The following LURAP1L variants were observed in gnomAD, a reference collection of about 807,000 sequenced individuals.
LURAP1L encodes the protein leucine rich adaptor protein 1-like.
LURAP1L carries 12 observed loss-of-function variants against 13.8 expected under a neutral mutation model. The observed-to-expected ratio is 0.87, with a 90% CI of 0.56 to 1.41. LURAP1L has a LOEUF of 1.41. Ranked by LOEUF, LURAP1L falls within the 40% of genes most tolerant of loss-of-function variation. The pLI, the probability that LURAP1L is intolerant of heterozygous loss-of-function variation, is 0.00. For synonymous variants in LURAP1L, 139 were observed against 119.2 expected, an observed-to-expected ratio of 1.17 and a Z score of -1.08; for missense variants, 375 against 292.9, an observed-to-expected ratio of 1.28 and a Z score of -2.04.
At chr9:12,818,735 G>T (rs1819835474) in intron 1 of LURAP1L, among the ~76,000 whole-genome samples, 1 of 152,180 alleles carries the variant, frequency 6.6e-6, no homozygotes, top group African/African-American at 2.4e-5. Flanking sequence ...AATGACAGAG[G>T]AGCATGCCCA....
intron 1 of LURAP1L, among the ~76,000 whole-genome samples, chr9:12,814,742 TG>T (rs1354375124): frequency 6.6e-6 from 1 of 152,236 alleles, no homozygotes; most frequent in African/African-American, 2.4e-5. Context: ...ATCAGTCCAC[TG>T]TGCTGATGAC....
At position 12,815,047 on chromosome 9, in the gene LURAP1L, G is replaced by A. The variant is rs76985884; in HGVS notation, c.313-6339G>A. On this transcript the variant is annotated intron_variant, in intron 1 of 1. Coordinates refer to ENST00000319264, the MANE Select transcript of LURAP1L (RefSeq NM_203403.2). ...AAGCATTCCAAACCAAAAACAGTGA[G>A]TGGAAATGTTGTACAGTGTCTTCTC... Among the ~76,000 whole-genome samples the A allele has an allele frequency of 2.3e-3, 354 of 152,324 alleles. 4 individuals are homozygous for A. The highest frequency in any genetic ancestry group is 7.8e-3 in the African/African-American group (323 of 41,584).
chr9:12,775,850 G>A lies in LURAP1L; in HGVS notation c.135G>A (p.Gly45=), dbSNP rs553686180. Reference sequence around the variant, plus strand: ...AAAGGGACAGGGACCCCTGCGGGGGGAGCGGTGGTGGTGGCGGCGGCGGCG... The same window carrying A: ...AAAGGGACAGGGACCCCTGCGGGGGAAGCGGTGGTGGTGGCGGCGGCGGCG... ...PRERDRDPCG[G]SGGGGGGGGG... Residue 45 remains glycine, a synonymous_variant, in exon 1 of 2, where the codon GGG becomes GGA. Transcript: ENST00000319264. 6 of 1,373,696 alleles carry A rather than the reference G, an allele frequency of 4.4e-6. No individual in the cohort carries two copies. Among genetic ancestry groups the A allele is most frequent in the East Asian group, 2.5e-5 (1 of 40,340 alleles). 85.1% of individuals were successfully genotyped at this position (1,373,696 alleles called of 1,614,324 possible).
Position 12,821,756 on chromosome 9 carries a change from G to C in LURAP1L, c.683G>C (p.Gly228Ala). 3 of 1,607,322 alleles carry C rather than the reference G, an allele frequency of 1.9e-6. No individual in the cohort carries two copies. The highest frequency in any genetic ancestry group is 2.6e-6 in the Non-Finnish European group (3 of 1,174,672). ...PKLDSEYYCF[G>A] is the part of the protein sequence containing the mutation. ...TTGGATTCTGAATACTACTGCTTTGGCTAGTGACAGTTTTTTGCATGGGAC... is the reference window on the plus strand; with the variant it reads ...TTGGATTCTGAATACTACTGCTTTGCCTAGTGACAGTTTTTTGCATGGGAC... Residue 228 changes from glycine to alanine, a missense_variant, in exon 2 of 2, where the codon GGC (glycine) becomes GCC (alanine). Coordinates refer to ENST00000319264, the MANE Select transcript of LURAP1L (RefSeq NM_203403.2).
chr9:12,776,434 C>G (rs1017648295), intron 1 of LURAP1L, among the ~76,000 whole-genome samples: 6 of 152,136 alleles, frequency 3.9e-5, no homozygotes, highest in African/African-American at 1.4e-4. Context: ...GTGGCTCAGT[C>G]CAATGCACTT....
chr9:12,781,203 T>G (rs1230759337), intron 1 of LURAP1L, among the ~76,000 whole-genome samples: 3 of 152,196 alleles, frequency 2.0e-5, no homozygotes, highest in African/African-American at 7.2e-5. Context: ...ACTCCTGACC[T>G]CAGGTGATCT....
rs774966883 is a variant in LURAP1L at position 12,821,381 on chromosome 9, C to T, written c.313-5C>T. On this transcript the variant is annotated splice_polypyrimidine_tract_variant and splice_region_variant and intron_variant, in intron 1 of 1. Coordinates refer to ENST00000319264, the MANE Select transcript of LURAP1L (RefSeq NM_203403.2). Reference sequence around the variant, plus strand: ...GGAATATCTTTCTTCTCTCTTTGTCCATAGGTTAACCTCAGAGCCACAGAC... The same window carrying T: ...GGAATATCTTTCTTCTCTCTTTGTCTATAGGTTAACCTCAGAGCCACAGAC... 2.5e-6 allele frequency: 4 copies of T among 1,609,482 alleles called. No individual in the cohort carries two copies. The East Asian group carries it at 6.7e-5, about 27-fold the overall frequency.
intron 1 of LURAP1L, among the ~76,000 whole-genome samples, chr9:12,799,226 G>C (rs1819551503): frequency 1.3e-5 from 2 of 152,096 alleles, no homozygotes; most frequent in South Asian, 4.1e-4. Flanking sequence ...GCAGTACTCT[G>C]ACTCCAAAAT....
At chr9:12,786,455 C>T (rs112038875) in intron 1 of LURAP1L, among the ~76,000 whole-genome samples, 81 of 148,124 alleles carry the variant, frequency 5.5e-4, no homozygotes, top group African/African-American at 1.8e-3. Flanking sequence ...AATTACACAT[C>T]ATTTTTAATG....
At chr9:12,818,601 G>C (rs6474736) in intron 1 of LURAP1L, among the ~76,000 whole-genome samples, 34,035 of 152,068 alleles carry the variant, frequency 0.22, 4,554 homozygotes, top group African/African-American at 0.36. Flanking sequence ...CTAACAGGAC[G>C]GTAGTGGTGA....
At chr9:12,808,823 C>T (rs1819697754) in intron 1 of LURAP1L, among the ~76,000 whole-genome samples, 1 of 152,034 alleles carries the variant, frequency 6.6e-6, no homozygotes, top group South Asian at 2.1e-4. Context: ...CTTTTTCTCT[C>T]CTCCTTCCAG....
At chr9:12,786,394 T>C (rs1228744704) in intron 1 of LURAP1L, among the ~76,000 whole-genome samples, 1 of 151,462 alleles carries the variant, frequency 6.6e-6, no homozygotes, top group East Asian at 1.9e-4. Context: ...ATCAGAACAT[T>C]GCATTCTTCA....
chr9:12,817,119 C>T (rs1047611495), intron 1 of LURAP1L, among the ~76,000 whole-genome samples: 1 of 152,148 alleles, frequency 6.6e-6, no homozygotes, highest in African/African-American at 2.4e-5. Context: ...CTAGGAATAA[C>T]CTCACACCAG....
chr9:12,822,285 T>C lies in LURAP1L; in HGVS notation c.*525T>C, dbSNP rs1819891823. On this transcript the variant is annotated 3_prime_UTR_variant, in exon 2 of 2. Coordinates refer to ENST00000319264, the MANE Select transcript of LURAP1L (RefSeq NM_203403.2). ...CATTCTAGTGTATAATCAACCATACTGTTAGTCACACACGCCCACATGACA... is the reference window on the plus strand; with the variant it reads ...CATTCTAGTGTATAATCAACCATACCGTTAGTCACACACGCCCACATGACA... Among the ~76,000 whole-genome samples, 1 of 152,214 alleles carries C rather than the reference T, an allele frequency of 6.6e-6. No individual in the cohort carries two copies. The highest frequency in any genetic ancestry group is 2.1e-4 in the South Asian group (1 of 4,830).
Position 12,821,773 on chromosome 9 carries a change from G to T in LURAP1L, c.*13G>T. 6.2e-7 allele frequency: 1 copy of T among 1,605,038 alleles called. No homozygotes were observed. The highest frequency in any genetic ancestry group is 8.5e-7 in the Non-Finnish European group (1 of 1,173,386). ...CTGCTTTGGCTAGTGACAGTTTTTTGCATGGGACTGGTGTGCAATGAACTT... is the reference window on the plus strand; with the variant it reads ...CTGCTTTGGCTAGTGACAGTTTTTTTCATGGGACTGGTGTGCAATGAACTT... On this transcript the variant is annotated 3_prime_UTR_variant, in exon 2 of 2. Transcript: ENST00000319264.
chr9:12,807,871 T>A (rs1006485447), intron 1 of LURAP1L, among the ~76,000 whole-genome samples: 1 of 152,168 alleles, frequency 6.6e-6, no homozygotes, highest in East Asian at 1.9e-4. Context: ...ATACTTCTTT[T>A]TTAAGTACGA....
At chr9:12,807,164 G>A (rs1287768523) in intron 1 of LURAP1L, among the ~76,000 whole-genome samples, 1 of 143,574 alleles carries the variant, frequency 7.0e-6, no homozygotes, top group Non-Finnish European at 1.5e-5. Flanking sequence ...CTACTCGGGA[G>A]CTGAAGCAGG....
chr9:12,804,578 G>A (rs1343594196), intron 1 of LURAP1L, among the ~76,000 whole-genome samples: 1 of 152,038 alleles, frequency 6.6e-6, no homozygotes, highest in African/African-American at 2.4e-5. Context: ...CCTGACCTGA[G>A]GTGATCCGCT....
chr9:12,793,833 G>A (rs189742236), intron 1 of LURAP1L, among the ~76,000 whole-genome samples: 358 of 152,072 alleles, frequency 2.4e-3, no homozygotes, highest in African/African-American at 8.4e-3. Context: ...GCACAAAATG[G>A]AACTGCTCAA....
Sources: allele counts gnomAD v4.1 joint callset (sites outside exome capture counted in the v4.1 genomes callset), GRCh38; gene constraint gnomAD v4.1.1; transcripts MANE v1.5; gene names NCBI Gene and HGNC (gene_info 2026-07-23, HGNC 2026-07-21).